KCNB2: variants seen among roughly 807,000 people sequenced by gnomAD.
KCNB2 encodes potassium voltage-gated channel subfamily B member 2.
Under a neutral mutation model 61.5 loss-of-function variants are expected in KCNB2, and 15 were observed. The observed-to-expected ratio is 0.24, with a 90% CI of 0.16 to 0.38. The LOEUF (loss-of-function observed/expected upper bound fraction) is 0.38. Ranked by LOEUF, KCNB2 falls within the 10% of genes least tolerant of loss-of-function variation. The pLI, the probability that KCNB2 is intolerant of heterozygous loss-of-function variation, is 1.00. For synonymous variants in KCNB2, 457 were observed against 446.0 expected, an observed-to-expected ratio of 1.02 and a Z score of -0.31; for missense variants, 828 against 1,125.2, an observed-to-expected ratio of 0.74 and a Z score of 3.78.
At chr8:72,819,962 GTT>G (rs112495654) in intron 2 of KCNB2, among the ~76,000 whole-genome samples, 1 of 152,020 alleles carries the variant, frequency 6.6e-6, no homozygotes. Context: ...TAGTTGGCTG[GTT>G]TTTTCCTGGC....
chr8:72,685,960 G>T (rs982471755), intron 2 of KCNB2, among the ~76,000 whole-genome samples: 2 of 152,194 alleles, frequency 1.3e-5, no homozygotes, highest in Admixed American at 6.5e-5. Flanking sequence ...TTGCACTCCA[G>T]CCTGGGCAAC....
At chr8:72,854,956 A>G (rs1399857413) in intron 2 of KCNB2, among the ~76,000 whole-genome samples, 1 of 152,154 alleles carries the variant, frequency 6.6e-6, no homozygotes, top group Non-Finnish European at 1.5e-5. Flanking sequence ...GTGAAAATGT[A>G]TTTTGTGTCT....
intron 1 of KCNB2, among the ~76,000 whole-genome samples, chr8:72,546,902 C>G (rs61497050): frequency 1.3e-5 from 2 of 152,182 alleles, no homozygotes; most frequent in Non-Finnish European, 2.9e-5. Flanking sequence ...TGAAAGGTGA[C>G]GCCATTTAGG....
chr8:72,775,214 T>C (rs2128997459), intron 2 of KCNB2, among the ~76,000 whole-genome samples: 1 of 152,196 alleles, frequency 6.6e-6, no homozygotes, highest in African/African-American at 2.4e-5. Flanking sequence ...AGACAGTGAC[T>C]GAAAAACCCA....
At chr8:72,635,419 A>G (rs893119676) in intron 2 of KCNB2, among the ~76,000 whole-genome samples, 4 of 152,078 alleles carry the variant, frequency 2.6e-5, no homozygotes, top group African/African-American at 9.7e-5. Flanking sequence ...CTTCTCAGGG[A>G]TTTGTCGTCC....
chr8:72,567,975 A>C lies in KCNB2; in HGVS notation c.241A>C (p.Asn81His). The part of the protein sequence containing the change: ...ESLLEVCDDY[N>H]LNENEYFFDR... ...CCTCCTGGAAGTGTGCGACGACTAT[A>C]ATCTGAACGAGAACGAGTATTTCTT... The change falls in exon 2 of 3, where the codon AAT becomes CAT. Residue 81 changes from asparagine to histidine, a missense_variant. By Grantham distance (68) the Asn-to-His change is moderately conservative (BLOSUM62 1). Transcript: ENST00000523207. 1.2e-6 allele frequency: 2 copies of C among 1,614,100 alleles called. No homozygotes were observed. The highest frequency in any genetic ancestry group is 1.7e-6 in the Non-Finnish European group (2 of 1,180,008).
At chr8:72,599,137 C>G (rs1807248069) in intron 2 of KCNB2, among the ~76,000 whole-genome samples, 1 of 151,934 alleles carries the variant, frequency 6.6e-6, no homozygotes, top group Admixed American at 6.6e-5. Flanking sequence ...GCCCGCATCG[C>G]CAAGTCAATC....
chr8:72,595,435 T>A (rs947858923), intron 2 of KCNB2, among the ~76,000 whole-genome samples: 1 of 151,704 alleles, frequency 6.6e-6, no homozygotes. Flanking sequence ...AAGCGATTCT[T>A]CTGCCTCAGC....
chr8:72,776,399 A>G (rs1179684916), intron 2 of KCNB2, among the ~76,000 whole-genome samples: 1 of 152,160 alleles, frequency 6.6e-6, no homozygotes, highest in African/African-American at 2.4e-5. Flanking sequence ...TTAAAGTATA[A>G]TTTTTAAAAA....
intron 2 of KCNB2, among the ~76,000 whole-genome samples, chr8:72,738,402 A>G (rs2128994247): frequency 6.6e-6 from 1 of 152,302 alleles, no homozygotes; most frequent in Non-Finnish European, 1.5e-5. Context: ...CTGAGTGCTC[A>G]TTCTATCAAA....
chr8:72,588,628 C>A (rs1213319925), intron 2 of KCNB2, among the ~76,000 whole-genome samples: 2 of 151,944 alleles, frequency 1.3e-5, no homozygotes, highest in African/African-American at 4.8e-5. Context: ...GCATGATGGC[C>A]TATGTCTGTA....
chr8:72,612,680 A>G (rs916547442), intron 2 of KCNB2, among the ~76,000 whole-genome samples: 1 of 152,214 alleles, frequency 6.6e-6, no homozygotes, highest in Admixed American at 6.5e-5. Context: ...AGATGAACAG[A>G]AACAGTTGCC....
intron 2 of KCNB2, among the ~76,000 whole-genome samples, chr8:72,599,991 G>T (rs1392247152): frequency 6.6e-6 from 1 of 152,188 alleles, no homozygotes. Flanking sequence ...TTACACTGTT[G>T]GTGGAACTGT....
intron 2 of KCNB2, among the ~76,000 whole-genome samples, chr8:72,750,004 G>T (rs1808161178): frequency 6.6e-6 from 1 of 151,550 alleles, no homozygotes; most frequent in African/African-American, 2.4e-5. Flanking sequence ...CCACTAGAGT[G>T]AATTTTGTGT....
chr8:72,914,218 C>A (rs1563422478), intron 2 of KCNB2, among the ~76,000 whole-genome samples: 1 of 152,090 alleles, frequency 6.6e-6, no homozygotes, highest in Admixed American at 6.5e-5. Flanking sequence ...ACCTTCAAGA[C>A]CTAATCACCT....
chr8:72,882,808 A>T (rs540889365), intron 2 of KCNB2, among the ~76,000 whole-genome samples: 3 of 152,328 alleles, frequency 2.0e-5, no homozygotes, highest in Non-Finnish European at 2.9e-5. Context: ...TTATTTTAAG[A>T]TATGTTCAAA....
chr8:72,868,613 C>CA lies in KCNB2; in HGVS notation c.580-67314dup, dbSNP rs1277383687. Among the ~76,000 whole-genome samples, 276 of 151,240 alleles carry CA rather than the reference C, an allele frequency of 1.8e-3. 2 individuals are homozygous for CA. Among genetic ancestry groups the CA allele is most frequent in the African/African-American group, 6.1e-3 (252 of 41,222 alleles). ...AAACAAAAAAAACCCCAAAACAAAC[C>CA]AAAAAAAACCCAAAAAAGGACCCCA... On this transcript the variant is annotated intron_variant, in intron 2 of 2. Coordinates refer to ENST00000523207, the MANE Select transcript of KCNB2 (RefSeq NM_004770.3).
chr8:72,664,848 T>A lies in KCNB2; in HGVS notation c.579+96535T>A, dbSNP rs988014485. Among the ~76,000 whole-genome samples the A allele has an allele frequency of 2.0e-5, 3 of 152,100 alleles. No individual in the cohort carries two copies. In the East Asian group the frequency reaches 5.8e-4, roughly 29 times the overall value. Reference sequence around the variant, plus strand: ...TTTGGAATCATTAGGGATTGTAAGTTTAAGTAAGGTTATCAGGGAAGGCTG... The same window carrying A: ...TTTGGAATCATTAGGGATTGTAAGTATAAGTAAGGTTATCAGGGAAGGCTG... On this transcript the variant is annotated intron_variant, in intron 2 of 2. Coordinates refer to ENST00000523207, the MANE Select transcript of KCNB2 (RefSeq NM_004770.3).
intron 2 of KCNB2, among the ~76,000 whole-genome samples, chr8:72,915,221 A>G (rs954465461): frequency 1.3e-5 from 2 of 152,128 alleles, no homozygotes; most frequent in African/African-American, 2.4e-5. Flanking sequence ...TGCGCCGAGC[A>G]TGACTGATCT....
Sources: allele counts gnomAD v4.1 joint callset (sites outside exome capture counted in the v4.1 genomes callset), GRCh38; gene constraint gnomAD v4.1.1; transcripts MANE v1.5; gene names NCBI Gene and HGNC (gene_info 2026-07-23, HGNC 2026-07-21).